A4GNT: variants seen among roughly 807,000 people sequenced by gnomAD.
A4GNT encodes the protein alpha-1,4-N-acetylglucosaminyltransferase.
A4GNT carries 6 observed loss-of-function variants against 8.3 expected under a neutral mutation model. The ratio of observed to expected loss-of-function variants is 0.72; its 90% CI spans 0.39 to 1.42. The LOEUF (loss-of-function observed/expected upper bound fraction) is 1.42, where lower values mean the gene tolerates loss of function less well. Among genes scored for constraint, A4GNT ranks in the 40% most tolerant of loss-of-function variants. The pLI is 0.02. For missense variants in A4GNT, 377 were observed against 417.0 expected (o/e 0.90, Z 0.84); for synonymous variants, 157 against 159.8 (o/e 0.98, Z 0.13).
intron 2 of A4GNT, 117 bp downstream of exon 2, chr3:138,130,732 G>A (rs2042770911): frequency 1.9e-6 from 2 of 1,079,538 alleles, no homozygotes. Context: ...GTAAAAAGAG[G>A]GCCAAATGAG....
chr3:138,130,614 C>T (rs928901801), intron 2 of A4GNT, among the ~76,000 whole-genome samples: 2 of 152,140 alleles, frequency 1.3e-5, no homozygotes, highest in East Asian at 3.9e-4. Context: ...GAATAGTCTC[C>T]AAAGTAACCA....
intron 2 of A4GNT, among the ~76,000 whole-genome samples, chr3:138,127,133 A>AC (rs1434703012): frequency 2.0e-5 from 3 of 151,636 alleles, no homozygotes; most frequent in African/African-American, 7.3e-5. Flanking sequence ...AAAAAAAAAA[A>AC]AAAAAAACAA....
Position 138,124,613 on chromosome 3 carries a change from G to A in A4GNT, c.674C>T (p.Pro225Leu), listed in dbSNP as rs1451264235. 1 of 1,614,224 alleles carries A rather than the reference G, an allele frequency of 6.2e-7. No homozygotes were observed. Among genetic ancestry groups the A allele is most frequent in the Non-Finnish European group, 8.5e-7 (1 of 1,180,050 alleles). Residue 225 changes from proline to leucine, a missense_variant, in exon 3 of 3, where the codon CCT becomes CTT. Coordinates refer to ENST00000236709, the MANE Select transcript of A4GNT (RefSeq NM_016161.3). ...YNSAIWGNQGPELMTRMLRVW... is the reference protein window; with the variant it reads ...YNSAIWGNQGLELMTRMLRVW... ...CCTCAACATCCTTGTCATCAACTCAGGGCCTTGGTTGCCCCAAATGGCTGA... is the reference window on the plus strand; with the variant it reads ...CCTCAACATCCTTGTCATCAACTCAAGGCCTTGGTTGCCCCAAATGGCTGA...
chr3:138,132,830 A>C (rs1347973290), upstream of A4GNT, among the ~76,000 whole-genome samples: 1 of 152,240 alleles, frequency 6.6e-6, no homozygotes, highest in Non-Finnish European at 1.5e-5. Context: ...CCTGCAGTCC[A>C]AAGGCCCAGT....
rs953532380 is a variant in A4GNT at position 138,124,063 on chromosome 3, T to G, written c.*201A>C. ...ACATGGTGGGTTGGAGGTCAAGCAG[T>G]CAAATGGACCATGGGTGTATGTTTT... On this transcript the variant is annotated 3_prime_UTR_variant, in exon 3 of 3. Coordinates refer to ENST00000236709, the MANE Select transcript of A4GNT (RefSeq NM_016161.3). 1 of 652,894 alleles carries G rather than the reference T, an allele frequency of 1.5e-6. No homozygotes were observed. The highest frequency in any genetic ancestry group is 2.4e-6 in the Non-Finnish European group (1 of 409,292). 40.4% of individuals were successfully genotyped at this position (652,894 alleles called of 1,614,324 possible). A position where few individuals can be genotyped will look rare whatever the true frequency, so the allele number is the denominator to read the frequency against.
intron 2 of A4GNT, among the ~76,000 whole-genome samples, chr3:138,130,417 A>G (rs948522586): frequency 4.9e-4 from 74 of 152,242 alleles, no homozygotes; most frequent in African/African-American, 1.7e-3. Flanking sequence ...ATACAACCCA[A>G]TCTCATATCG....
intron 2 of A4GNT, 67 bp downstream of exon 2, chr3:138,130,782 G>T: frequency 6.5e-7 from 1 of 1,541,414 alleles, no homozygotes; most frequent in Non-Finnish European, 8.8e-7. Context: ...TCTCCGACCT[G>T]AGTCCTTACC....
upstream of A4GNT, among the ~76,000 whole-genome samples, chr3:138,133,109 G>A (rs1431425285): frequency 6.6e-6 from 1 of 152,210 alleles, no homozygotes; most frequent in Non-Finnish European, 1.5e-5. Flanking sequence ...CCATGAGCAG[G>A]TATTCACAGT....
rs981078390 is a variant in A4GNT, at chr3:138,124,736, G to C, written c.551C>G (p.Ala184Gly). ...ATTACTAGAGTACCGAGAAGCCTGC[G>C]CAGCCAAAAAGTTCTCCTCAGGGAT... ...RPIPEENFLA[A>G]QASRYSSNGI... Residue 184 changes from alanine to glycine, a missense_variant, in exon 3 of 3, where the codon GCG (alanine) becomes GGG (glycine). Ala to Gly is a moderately conservative substitution (Grantham distance 60, BLOSUM62 0). Coordinates refer to ENST00000236709, the MANE Select transcript of A4GNT (RefSeq NM_016161.3). 6.2e-7 allele frequency: 1 copy of C among 1,614,140 alleles called. No individual in the cohort carries two copies.
At chr3:138,129,362 A>G (rs2042763620) in intron 2 of A4GNT, among the ~76,000 whole-genome samples, 1 of 152,080 alleles carries the variant, frequency 6.6e-6, no homozygotes. Context: ...GATTTTACAC[A>G]AACAGAGGAA....
intron 2 of A4GNT, 25 bp from the exon 3 acceptor site, chr3:138,124,903 C>T (rs902024352): frequency 1.3e-6 from 2 of 1,596,346 alleles, no homozygotes; most frequent in Non-Finnish European, 1.7e-6. Context: ...GCAAATCAGC[C>T]CCAAGTAGCC....
chr3:138,126,253 G>A (rs2042744096), intron 2 of A4GNT, among the ~76,000 whole-genome samples: 1 of 152,044 alleles, frequency 6.6e-6, no homozygotes, highest in Non-Finnish European at 1.5e-5. Context: ...ACAGATGACT[G>A]CAAAGGCTAA....
intron 2 of A4GNT, among the ~76,000 whole-genome samples, chr3:138,130,301 A>G (rs1006718500): frequency 2.6e-5 from 4 of 152,180 alleles, no homozygotes; most frequent in South Asian, 2.1e-4. Context: ...CAGCTCCTCT[A>G]TAAGAGAAAT....
In A4GNT at chr3:138,131,232, G is replaced by A. The variant is rs1280711404; in HGVS notation, c.25C>T (p.Leu9=). The A allele has an allele frequency of 3.1e-6, 5 of 1,596,248 alleles. No individual in the cohort carries two copies. Among genetic ancestry groups the A allele is most frequent in the Admixed American group, 1.7e-5 (1 of 59,452 alleles). Residue 9 remains leucine, a synonymous_variant, in exon 2 of 3, where the codon CTG becomes TTG. Coordinates refer to ENST00000236709, the MANE Select transcript of A4GNT (RefSeq NM_016161.3). MRKELQLS[L]SVTLLLVCGF... is the part of the protein sequence containing the mutation. ...CAGACAAGCAGCAAGGTGACTGACAGGGAGAGCTGGAGCTCCTTCCGCATG... is the reference window on the plus strand; with the variant it reads ...CAGACAAGCAGCAAGGTGACTGACAAGGAGAGCTGGAGCTCCTTCCGCATG...
intron 2 of A4GNT, among the ~76,000 whole-genome samples, chr3:138,128,475 TG>T (rs35910480): frequency 2.0e-5 from 3 of 148,166 alleles, no homozygotes; most frequent in African/African-American, 5.0e-5. Context: ...AGAGTGGGGG[TG>T]GGGGGGTAGG....
rs775713265 is a variant in A4GNT, at chr3:138,124,349, C to T, written c.938G>A (p.Arg313His). Residue 313 changes from arginine to histidine, a missense_variant, in exon 3 of 3, where the codon CGC becomes CAC. Coordinates refer to ENST00000236709, the MANE Select transcript of A4GNT (RefSeq NM_016161.3). ...CCTGTAAGTCCTGGGACAGTGCTTG[C>T]GATAGAGATTTTCCACCAGTGTGTT... ...GSNTLVENLYRKHCPRTYRDL... is the reference protein window; with the variant it reads ...GSNTLVENLYHKHCPRTYRDL... 9.3e-6 allele frequency: 15 copies of T among 1,614,250 alleles called. No homozygotes were observed. Among genetic ancestry groups the T allele is most frequent in the Admixed American group, 1.7e-5 (1 of 60,030 alleles).
At chr3:138,131,361 T>G in intron 1 of A4GNT, 79 bp from the exon 2 acceptor site, 60 of 1,094,002 alleles carry the variant, frequency 5.5e-5, no homozygotes, top group Middle Eastern at 3.2e-4. Context: ...GATACATGAA[T>G]ATCATTTAAA....
chr3:138,130,972 C>T lies in A4GNT; in HGVS notation c.285G>A (p.Pro95=), dbSNP rs761652033. ...CTGGGTATGTGGAGTTTGAGGGCAT[C>T]GGTGTGGAATCAGTAAGACCCTTCA... ...FFMKGLTDST[P]MPSNSTYPAF... The change falls in exon 2 of 3, where the codon CCG becomes CCA. Residue 95 remains proline (P), a synonymous_variant. Coordinates refer to ENST00000236709, the MANE Select transcript of A4GNT (RefSeq NM_016161.3). 13 of 1,613,924 alleles carry T rather than the reference C, an allele frequency of 8.1e-6. No individual in the cohort carries two copies. The highest frequency in any genetic ancestry group is 1.3e-5 in the African/African-American group (1 of 74,872).
Position 138,124,831 on chromosome 3 carries a change from TGCATCC to T in A4GNT, c.450_455del (p.Asp151_Ala152del). The T allele has an allele frequency of 6.2e-7, 1 of 1,613,706 alleles. No individual in the cohort carries two copies. Among genetic ancestry groups the T allele is most frequent in the Middle Eastern group, 1.8e-4 (1 of 5,708 alleles). ...ATTTCCAGATGATGGCCAGGCGGGATGCATCCGAGCTGATGTGGAGCCAGTTTCTCT... is the reference window on the plus strand; with the variant it reads ...ATTTCCAGATGATGGCCAGGCGGGATGAGCTGATGTGGAGCCAGTTTCTCT... On this transcript the variant is annotated inframe_deletion, in exon 3 of 3. Coordinates refer to ENST00000236709, the MANE Select transcript of A4GNT (RefSeq NM_016161.3).
Sources: allele counts gnomAD v4.1 joint callset (sites outside exome capture counted in the v4.1 genomes callset), GRCh38; gene constraint gnomAD v4.1.1; transcripts MANE v1.5; gene names NCBI Gene and HGNC (gene_info 2026-07-23, HGNC 2026-07-21).